CACNA1A: variants seen among roughly 807,000 people sequenced by gnomAD.
CACNA1A encodes calcium voltage-gated channel subunit alpha1 A.
In CACNA1A, 57 loss-of-function variants were observed where a neutral mutation model predicts 262.4. The ratio of observed to expected loss-of-function variants is 0.22; its 90% CI spans 0.18 to 0.27. The LOEUF is 0.27. Ranked by LOEUF, CACNA1A falls within the 10% of genes least tolerant of loss-of-function variation. The pLI is 1.00. For synonymous variants in CACNA1A, 1,431 were observed against 1,419.3 expected (o/e 1.01, Z -0.18); for missense variants, 2,526 against 3,562.8 (o/e 0.71, Z 7.41).
In CACNA1A at chr19:13,411,425, G is replaced by A. The variant is rs1382341773; in HGVS notation, c.540-39646C>T. 2.6e-5 allele frequency among the ~76,000 whole-genome samples: 4 copies of A among 152,286 alleles called. No homozygotes were observed. The East Asian group carries it at 7.7e-4, about 29-fold the overall frequency. On this transcript the variant is annotated intron_variant, in intron 3 of 46. Transcript: ENST00000360228. ...ATACTGTTCTTGTGGTAGTGAATAAGTCTCATGAGATCTGATGGTTTTATA... is the reference window on the plus strand; with the variant it reads ...ATACTGTTCTTGTGGTAGTGAATAAATCTCATGAGATCTGATGGTTTTATA...
At chr19:13,362,210 T>A (rs2059123617) in intron 5 of CACNA1A, 1 of 152,110 alleles carries the variant, frequency 6.6e-6, no homozygotes, top group African/African-American at 2.4e-5. Context: ...TAAATTTTTT[T>A]ATTTTGAGAC....
chr19:13,490,792 AAG>A (rs2145127556), intron 1 of CACNA1A, among the ~76,000 whole-genome samples: 1 of 149,952 alleles, frequency 6.7e-6, no homozygotes, highest in South Asian at 2.1e-4. Flanking sequence ...AAAGAAAGGA[AAG>A]AGAAAGGAAA....
chr19:13,288,229 CTTTT>C (rs1265247913), intron 19 of CACNA1A, among the ~76,000 whole-genome samples: 6 of 147,650 alleles, frequency 4.1e-5, no homozygotes, highest in African/African-American at 4.9e-5. Flanking sequence ...TTCTTTCTTT[CTTTT>C]TCTTTTTTCT....
At chr19:13,416,392 A>G (rs1332906798) in intron 3 of CACNA1A, among the ~76,000 whole-genome samples, 2 of 152,306 alleles carry the variant, frequency 1.3e-5, no homozygotes, top group East Asian at 3.9e-4. Flanking sequence ...CGTGAGGCAC[A>G]GCATTTAGGC....
intron 3 of CACNA1A, among the ~76,000 whole-genome samples, chr19:13,403,819 A>G (rs1333342762): frequency 1.3e-5 from 2 of 152,072 alleles, no homozygotes; most frequent in Non-Finnish European, 2.9e-5. Flanking sequence ...TTAGCTGGGC[A>G]TGGTGGTATG....
intron 23 of CACNA1A, among the ~76,000 whole-genome samples, chr19:13,276,464 CCTCA>C (rs923640266): frequency 9.8e-5 from 15 of 152,288 alleles, no homozygotes; most frequent in African/African-American, 3.4e-4. Context: ...ATGGCCCTCA[CCTCA>C]CTCAAAGTAA....
chr19:13,391,763 G>C (rs1008344138), intron 3 of CACNA1A, among the ~76,000 whole-genome samples: 2 of 152,100 alleles, frequency 1.3e-5, no homozygotes, highest in African/African-American at 2.4e-5. Context: ...ATGGCCGGGC[G>C]TGCTGGCTCA....
At chr19:13,452,350 TA>T (rs1343249021) in intron 3 of CACNA1A, 1 of 152,488 alleles carries the variant, frequency 6.6e-6, no homozygotes, top group African/African-American at 2.4e-5. Context: ...TCCTTTGTCA[TA>T]ATCACAATCC....
chr19:13,312,815 T>C (rs200017669), intron 11 of CACNA1A, 34 bp from the exon 12 acceptor site: 7 of 1,089,380 alleles, frequency 6.4e-6, no homozygotes, highest in East Asian at 2.7e-5. Context: ...GAGAGGAGGT[T>C]AGGCTTGCTG....
At chr19:13,384,174 G>A (rs1262970702) in intron 3 of CACNA1A, among the ~76,000 whole-genome samples, 4 of 152,138 alleles carry the variant, frequency 2.6e-5, no homozygotes, top group Admixed American at 6.6e-5. Flanking sequence ...TCAGCTCCAC[G>A]AGGACAGGGG....
intron 3 of CACNA1A, among the ~76,000 whole-genome samples, chr19:13,443,247 G>A (rs1405216051): frequency 6.6e-6 from 1 of 152,190 alleles, no homozygotes; most frequent in Admixed American, 6.5e-5. Context: ...AACAGACTAA[G>A]ACAGTAAGCA....
chr19:13,317,563 C>G (rs1467067950), intron 10 of CACNA1A, among the ~76,000 whole-genome samples: 3 of 152,168 alleles, frequency 2.0e-5, no homozygotes, highest in African/African-American at 7.2e-5. Flanking sequence ...GCTGATAGTT[C>G]TCTGTTGCAG....
intron 4 of CACNA1A, chr19:13,365,824 T>G (rs941486241): frequency 5.8e-6 from 1 of 173,228 alleles, no homozygotes; most frequent in Non-Finnish European, 1.2e-5. Flanking sequence ...TGCACCACCA[T>G]GCCTGGCTAA....
intron 3 of CACNA1A, among the ~76,000 whole-genome samples, chr19:13,390,498 A>G (rs1161713080): frequency 1.3e-5 from 2 of 152,206 alleles, no homozygotes; most frequent in African/African-American, 4.8e-5. Flanking sequence ...TATGGTAGCC[A>G]CTAGTCACCT....
intron 6 of CACNA1A, among the ~76,000 whole-genome samples, chr19:13,338,680 G>A (rs1310935061): frequency 6.6e-6 from 1 of 152,160 alleles, no homozygotes; most frequent in Non-Finnish European, 1.5e-5. Context: ...CAAAGTCCTG[G>A]TAGGGGTACC....
intron 1 of CACNA1A, among the ~76,000 whole-genome samples, chr19:13,484,145 C>T (rs528002149): frequency 6.6e-6 from 1 of 152,228 alleles, no homozygotes; most frequent in Non-Finnish European, 1.5e-5. Context: ...TTCCCCCGTT[C>T]TATAAAAAAT....
intron 10 of CACNA1A, among the ~76,000 whole-genome samples, chr19:13,319,480 T>A (rs1326595975): frequency 6.6e-6 from 1 of 152,182 alleles, no homozygotes; most frequent in African/African-American, 2.4e-5. Context: ...TTCCTCCATT[T>A]ATCCATTCAC....
In CACNA1A at chr19:13,206,638, A is replaced by C. The variant is rs1403492890; in HGVS notation, c.*675T>G. 6 of 153,456 alleles carry C rather than the reference A, an allele frequency of 3.9e-5. No individual in the cohort carries two copies. Among genetic ancestry groups the C allele is most frequent in the Non-Finnish European group, 8.8e-5 (6 of 68,180 alleles). 9.5% of individuals were successfully genotyped at this position (153,456 alleles called of 1,614,324 possible). ...GTCAGAAAAAAATGCCTCTTTTCTC[A>C]ATCATTAATTTTTTTGTCCTTTTTA... On this transcript the variant is annotated 3_prime_UTR_variant, in exon 47 of 47. Transcript: ENST00000360228.
At chr19:13,347,880 C>T (rs2058821944) in intron 6 of CACNA1A, among the ~76,000 whole-genome samples, 1 of 152,124 alleles carries the variant, frequency 6.6e-6, no homozygotes, top group South Asian at 2.1e-4. Flanking sequence ...CATTAGCAAC[C>T]ACTGGCCAGG....
Sources: allele counts gnomAD v4.1 joint callset (sites outside exome capture counted in the v4.1 genomes callset), GRCh38; gene constraint gnomAD v4.1.1; transcripts MANE v1.5; gene names NCBI Gene and HGNC (gene_info 2026-07-23, HGNC 2026-07-21).